Variants in FOXP2 observed in about 807,000 individuals in gnomAD.
FOXP2 encodes forkhead box protein P2.
FOXP2 carries 12 observed loss-of-function variants against 115.8 expected under a neutral mutation model. The ratio of observed to expected loss-of-function variants is 0.10; its 90% CI spans 0.07 to 0.17. The LOEUF is 0.17. Among genes scored for constraint, FOXP2 ranks in the 10% least tolerant of loss-of-function variants. FOXP2 has a pLI of 1.00. For synonymous variants in FOXP2, 328 were observed against 297.7 expected, an observed-to-expected ratio of 1.10 and a Z score of -1.05; for missense variants, 629 against 843.5, an observed-to-expected ratio of 0.75 and a Z score of 3.15.
At chr7:114,362,393 T>TAC (rs1204033801) in intron 2 of FOXP2, among the ~76,000 whole-genome samples, 1 of 152,000 alleles carries the variant, frequency 6.6e-6, no homozygotes, top group African/African-American at 2.4e-5. Context: ...GATAGTGAGC[T>TAC]ACAGTTGGTA....
chr7:114,116,682 A>G (rs1218638086), intron 1 of FOXP2, among the ~76,000 whole-genome samples: 2 of 152,280 alleles, frequency 1.3e-5, no homozygotes, highest in South Asian at 2.1e-4. Flanking sequence ...GAAATAGAGT[A>G]TTGAAATAAG....
At chr7:114,161,059 G>A (rs1174563584), upstream of FOXP2, among the ~76,000 whole-genome samples, 2 of 152,166 alleles carry the variant, frequency 1.3e-5, no homozygotes, top group Non-Finnish European at 2.9e-5. Context: ...AAAGGAATGT[G>A]CATTGGTCTT....
chr7:114,289,293 A>G (rs1292685044), intron 2 of FOXP2, among the ~76,000 whole-genome samples: 2 of 151,912 alleles, frequency 1.3e-5, no homozygotes, highest in Admixed American at 6.6e-5. Flanking sequence ...GGTTGACATT[A>G]TTATTCTTTG....
At chr7:114,153,734 A>G (rs1792584030) in intron 1 of FOXP2, among the ~76,000 whole-genome samples, 1 of 152,084 alleles carries the variant, frequency 6.6e-6, no homozygotes, top group Non-Finnish European at 1.5e-5. Flanking sequence ...ATTTTCTTTC[A>G]TAGGCCATTC....
upstream of FOXP2, among the ~76,000 whole-genome samples, chr7:114,160,930 A>C (rs1325098542): frequency 6.6e-6 from 1 of 152,126 alleles, no homozygotes; most frequent in Non-Finnish European, 1.5e-5. Flanking sequence ...CATCTGGTAG[A>C]TATGGATGGC....
At chr7:114,649,432 A>C (rs900094374) in intron 8 of FOXP2, among the ~76,000 whole-genome samples, 1 of 152,124 alleles carries the variant, frequency 6.6e-6, no homozygotes, top group African/African-American at 2.4e-5. Context: ...GCAATTAGGC[A>C]CTGACTGAGA....
chr7:114,494,585 A>G (rs1449586321), intron 2 of FOXP2, among the ~76,000 whole-genome samples: 3 of 152,172 alleles, frequency 2.0e-5, no homozygotes, highest in African/African-American at 4.8e-5. Context: ...TCAGACCGCT[A>G]GTAATTACTA....
At chr7:114,628,765 C>G (rs889243917) in intron 4 of FOXP2, 88 bp downstream of exon 4, 1 of 1,530,936 alleles carries the variant, frequency 6.5e-7, no homozygotes, top group Admixed American at 1.7e-5. Context: ...TTTGACAATT[C>G]AGTCTCCATT....
intron 1 of FOXP2, among the ~76,000 whole-genome samples, chr7:114,124,574 G>A (rs961553628): frequency 6.6e-6 from 1 of 151,948 alleles, no homozygotes; most frequent in Non-Finnish European, 1.5e-5. Flanking sequence ...AAACTTTTAC[G>A]TATTTGTGCT....
intron 3 of FOXP2, among the ~76,000 whole-genome samples, chr7:114,595,851 G>A (rs1011776892): frequency 3.3e-5 from 5 of 152,034 alleles, no homozygotes; most frequent in African/African-American, 4.8e-5. Flanking sequence ...AGGATCAGTC[G>A]GGGGAAATGT....
In FOXP2 at chr7:114,154,227, A is replaced by C. The variant is rs573285331; in HGVS notation, c.-246-8717A>C. 4.6e-4 allele frequency among the ~76,000 whole-genome samples: 70 copies of C among 152,280 alleles called. No homozygotes were observed. In the Middle Eastern group the frequency reaches 0.017, roughly 37 times the overall value. ...AGTCTTAAATACTATGAAAGCATTA[A>C]TGTCTAGACTATGAACTGAAGGTAA... On this transcript the variant is annotated intron_variant, in intron 1 of 19. Coordinates refer to the FOXP2 transcript ENST00000635638.
intron 3 of FOXP2, among the ~76,000 whole-genome samples, chr7:114,628,320 C>T (rs986847561): frequency 6.6e-6 from 1 of 152,066 alleles, no homozygotes; most frequent in East Asian, 1.9e-4. Flanking sequence ...AGCTATGGAA[C>T]ATAAAGAGTT....
intron 2 of FOXP2, among the ~76,000 whole-genome samples, chr7:114,328,964 A>G (rs919881977): frequency 3.9e-5 from 6 of 152,214 alleles, no homozygotes; most frequent in African/African-American, 1.4e-4. Context: ...TAGAAGGAAG[A>G]GACGAAGTTA....
chr7:114,256,452 A>T (rs1002110564), intron 1 of FOXP2, among the ~76,000 whole-genome samples: 1 of 152,118 alleles, frequency 6.6e-6, no homozygotes, highest in African/African-American at 2.4e-5. Flanking sequence ...TCTAATGACC[A>T]TTGATGTTGA....
Position 114,692,307 on chromosome 7 carries a change from C to T in FOXP2, c.*2381C>T, listed in dbSNP as rs1221963546. 1.5e-5 allele frequency: 7 copies of T among 453,808 alleles called. No homozygotes were observed. Among genetic ancestry groups the T allele is most frequent in the Non-Finnish European group, 3.1e-5 (7 of 226,730 alleles). The allele number at this position is 453,808 out of a possible 1,614,324, so 28.1% of individuals were successfully genotyped here. A position where few individuals can be genotyped will look rare whatever the true frequency, so the allele number is the denominator to read the frequency against. On this transcript the variant is annotated 3_prime_UTR_variant, in exon 17 of 17. Transcript: ENST00000350908. ...GAAAGGAAGTCTCAGCCACAGAATG[C>T]ATATACCTGTAGAGTTTTGCATGGG...
At chr7:114,169,197 A>G (rs1017151621) in intron 1 of FOXP2, among the ~76,000 whole-genome samples, 12 of 152,284 alleles carry the variant, frequency 7.9e-5, no homozygotes, top group African/African-American at 2.6e-4. Flanking sequence ...TCCAGCCCCC[A>G]GAACAGTAGA....
At chr7:114,087,129 C>T (rs1380715213), upstream of FOXP2, among the ~76,000 whole-genome samples, 3 of 152,146 alleles carry the variant, frequency 2.0e-5, no homozygotes, top group South Asian at 2.1e-4. Context: ...TTTATTGATC[C>T]AACTGCTGAC....
intron 1 of FOXP2, among the ~76,000 whole-genome samples, chr7:114,109,460 C>G (rs1030753270): frequency 4.6e-5 from 7 of 151,928 alleles, no homozygotes; most frequent in Admixed American, 1.3e-4. Context: ...TGTCGAAATA[C>G]AAACAGTAAG....
intron 1 of FOXP2, among the ~76,000 whole-genome samples, chr7:114,150,155 A>C (rs1792494857): frequency 1.3e-5 from 2 of 152,076 alleles, no homozygotes; most frequent in African/African-American, 2.4e-5. Context: ...GGTAGATAAT[A>C]CATAGTATCT....
Sources: allele counts gnomAD v4.1 joint callset (sites outside exome capture counted in the v4.1 genomes callset), GRCh38; gene constraint gnomAD v4.1.1; transcripts MANE v1.5; gene names NCBI Gene and HGNC (gene_info 2026-07-23, HGNC 2026-07-21).